SCHIP1: variants seen among roughly 807,000 people sequenced by gnomAD.
SCHIP1 encodes the protein schwannomin interacting protein 1, also known as schwannomin-interacting protein 1.
In SCHIP1, 8 loss-of-function variants were observed where a neutral mutation model predicts 29.7. That is an observed-to-expected ratio of 0.27 (90% CI 0.16 to 0.49). The LOEUF (loss-of-function observed/expected upper bound fraction) is 0.49, where lower values mean the gene tolerates loss of function less well. SCHIP1 is among the 20% of genes least tolerant of loss of function. The probability of loss-of-function intolerance (pLI) is 0.99; values close to 1 mark genes in which losing one functional copy is unlikely to be tolerated. For missense variants in SCHIP1, 193 were observed against 294.6 expected (o/e 0.66, Z 2.52); for synonymous variants, 76 against 94.9 (o/e 0.80, Z 1.16).
At chr3:159,840,189 T>C in exon 1 of SCHIP1, 1 of 1,535,810 alleles carries the variant, frequency 6.5e-7, no homozygotes, top group Non-Finnish European at 8.7e-7. Context: ...ACTGAGATGG[T>C]ACATCAGGAT....
chr3:159,454,403 A>G, the SCHIP1 span, among the ~76,000 whole-genome samples: 2 of 152,136 alleles, frequency 1.3e-5, no homozygotes, highest in African/African-American at 4.8e-5. Context: ...TCTACAACAA[A>G]GGCAAGTCCT....
At chr3:159,764,751 C>G in the SCHIP1 span, 6 of 1,572,778 alleles carry the variant, frequency 3.8e-6, no homozygotes, top group Non-Finnish European at 5.2e-6. This position sits in a 1 kb window ranked among gnomAD's most constrained non-coding sequence, Gnocchi z 6.1. Context: ...AACCGGGGGA[C>G]GTAAGCGCCA....
At chr3:159,769,052 T>A in the SCHIP1 span, among the ~76,000 whole-genome samples, 1 of 152,326 alleles carries the variant, frequency 6.6e-6, no homozygotes, top group East Asian at 1.9e-4. Context: ...CTGGGGTTGG[T>A]GCCTTTGATG....
At chr3:159,428,400 T>G in the SCHIP1 span, among the ~76,000 whole-genome samples, 134 of 151,900 alleles carry the variant, frequency 8.8e-4, no homozygotes, top group African/African-American at 3.2e-3. Context: ...TGAACAGACA[T>G]TTCTCAAAAG....
chr3:159,630,350 C>A, the SCHIP1 span, among the ~76,000 whole-genome samples: 1 of 151,938 alleles, frequency 6.6e-6, no homozygotes, highest in Non-Finnish European at 1.5e-5. Context: ...AAAAGAGAAA[C>A]AATCCAATTT....
chr3:159,840,100 G>GC, exon 1 of SCHIP1: 1 of 1,527,406 alleles, frequency 6.5e-7, no homozygotes, highest in Non-Finnish European at 8.7e-7. Flanking sequence ...CGTTCTCTCC[G>GC]CCCGCCGGTG....
At chr3:159,564,885 G>T in the SCHIP1 span, among the ~76,000 whole-genome samples, 3 of 152,112 alleles carry the variant, frequency 2.0e-5, no homozygotes, top group African/African-American at 4.8e-5. Context: ...TTTATTTCCA[G>T]TTTGGGGCTA....
At chr3:159,742,306 C>T in the SCHIP1 span, among the ~76,000 whole-genome samples, 61 of 152,278 alleles carry the variant, frequency 4.0e-4, 1 homozygote, top group Admixed American at 3.1e-3. Flanking sequence ...ATCGCAGGAC[C>T]GGGACAAGAA....
At chr3:159,283,631 T>C in the SCHIP1 span, among the ~76,000 whole-genome samples, 4 of 152,182 alleles carry the variant, frequency 2.6e-5, no homozygotes, top group Non-Finnish European at 4.4e-5. Context: ...CCACCTCTAA[T>C]TGGTTATTAC....
At chr3:159,424,138 C>G in the SCHIP1 span, among the ~76,000 whole-genome samples, 4 of 151,752 alleles carry the variant, frequency 2.6e-5, no homozygotes, top group African/African-American at 9.7e-5. Context: ...CAGAGCACCT[C>G]TCCTCCTCCA....
chr3:159,633,996 G>A, the SCHIP1 span, among the ~76,000 whole-genome samples: 77 of 152,238 alleles, frequency 5.1e-4, 1 homozygote, highest in African/African-American at 1.8e-3. Context: ...CAACTTAGTA[G>A]TAATATTTAG....
At chr3:159,646,403 C>A in the SCHIP1 span, among the ~76,000 whole-genome samples, 1 of 152,122 alleles carries the variant, frequency 6.6e-6, no homozygotes, top group Non-Finnish European at 1.5e-5. Flanking sequence ...AGTCTTTGCA[C>A]AGGAACACCC....
At chr3:159,739,956 A>G in the SCHIP1 span, among the ~76,000 whole-genome samples, 1 of 152,262 alleles carries the variant, frequency 6.6e-6, no homozygotes, top group South Asian at 2.1e-4. Flanking sequence ...AATGTTACTT[A>G]GGCATTAAAG....
the SCHIP1 span, among the ~76,000 whole-genome samples, chr3:159,788,051 G>A: frequency 6.6e-6 from 1 of 152,164 alleles, no homozygotes; most frequent in South Asian, 2.1e-4. Context: ...TTATCGAGAT[G>A]ACTTTTGACC....
chr3:159,485,457 T>C, the SCHIP1 span, among the ~76,000 whole-genome samples: 1 of 152,234 alleles, frequency 6.6e-6, no homozygotes, highest in African/African-American at 2.4e-5. Flanking sequence ...TAGAAAGAGC[T>C]GTGCTTTTGG....
chr3:159,830,679 C>T, the SCHIP1 span, among the ~76,000 whole-genome samples: 6 of 152,208 alleles, frequency 3.9e-5, no homozygotes, highest in African/African-American at 1.4e-4. Flanking sequence ...CTGACACCAG[C>T]TGTCCTCTTC....
intron 2 of SCHIP1, among the ~76,000 whole-genome samples, chr3:159,873,197 T>TAAATGA (rs997592355): frequency 1.3e-5 from 2 of 152,234 alleles, no homozygotes; most frequent in African/African-American, 4.8e-5. Flanking sequence ...TGCCCAATTT[T>TAAATGA]AAATGAGGCT....
the SCHIP1 span, among the ~76,000 whole-genome samples, chr3:159,606,278 A>G: frequency 6.6e-6 from 1 of 152,220 alleles, no homozygotes; most frequent in Non-Finnish European, 1.5e-5. Flanking sequence ...TCATAAAAGA[A>G]GGATCATTTT....
chr3:159,763,670 G>A, the SCHIP1 span: 1 of 152,194 alleles, frequency 6.6e-6, no homozygotes, highest in Non-Finnish European at 1.5e-5. Flanking sequence ...TCCACCGCCA[G>A]GAGGGCGCGT....
Sources: allele counts gnomAD v4.1 joint callset (sites outside exome capture counted in the v4.1 genomes callset), GRCh38; gene constraint gnomAD v4.1.1; non-coding constraint Gnocchi (gnomAD v3.1); transcripts MANE v1.5; gene names NCBI Gene and HGNC (gene_info 2026-07-23, HGNC 2026-07-21).